Variants in CHD4 observed in about 807,000 individuals in gnomAD.
CHD4 encodes chromodomain helicase DNA binding protein 4.
Under a neutral mutation model 235.5 loss-of-function variants are expected in CHD4, and 35 were observed. The ratio of observed to expected loss-of-function variants is 0.15; its 90% CI spans 0.11 to 0.20. The LOEUF is 0.20. Among genes scored for constraint, CHD4 ranks in the 10% least tolerant of loss-of-function variants. CHD4 has a pLI of 1.00. For synonymous variants in CHD4, 900 were observed against 850.2 expected, an observed-to-expected ratio of 1.06 and a Z score of -1.02; for missense variants, 1,329 against 2,432.3, an observed-to-expected ratio of 0.55 and a Z score of 9.54.
intron 25 of CHD4, among the ~76,000 whole-genome samples, chr12:6,584,904 C>A (rs1338617729): frequency 6.6e-6 from 1 of 152,202 alleles, no homozygotes; most frequent in Non-Finnish European, 1.5e-5. Context: ...TCAATAGGGT[C>A]GTTTCTGATT....
chr12:6,576,014 T>G (rs912804487), intron 37 of CHD4, among the ~76,000 whole-genome samples: 1 of 152,164 alleles, frequency 6.6e-6, no homozygotes, highest in Non-Finnish European at 1.5e-5. Flanking sequence ...AAGCCATTTG[T>G]GAGTTCCGTC....
intron 15 of CHD4, among the ~76,000 whole-genome samples, 166 bp downstream of exon 15, chr12:6,594,293 T>G (rs772975636): frequency 6.6e-6 from 1 of 152,208 alleles, no homozygotes. Flanking sequence ...ATCACATTTA[T>G]CTACTATCTA....
chr12:6,602,208 G>GACACAC (rs753330768), intron 3 of CHD4, 33 bp from the exon 4 acceptor site: 1 of 1,609,930 alleles, frequency 6.2e-7, no homozygotes, highest in Non-Finnish European at 8.5e-7. Flanking sequence ...GAGGGAGACA[G>GACACAC]ACACACACAT....
rs775024529 is a variant in CHD4, at chr12:6,606,327, T to C, written c.47A>G (p.Glu16Gly). Reference sequence around the variant, plus strand: ...CAAAAGTGCATCCATATCCTCCTCCTCACTGCCCGCCGAGCAGGGGGACGG... The same window carrying C: ...CAAAAGTGCATCCATATCCTCCTCCCCACTGCCCGCCGAGCAGGGGGACGG... ...GSPSPCSAGSEEEDMDALLNN... is the reference protein window; with the variant it reads ...GSPSPCSAGSGEEDMDALLNN... The change falls in exon 2 of 40, where the codon GAG becomes GGG. Residue 16 changes from glutamate (E) to glycine (G), a missense_variant. Transcript: ENST00000544040. 1.3e-6 allele frequency: 2 copies of C among 1,571,082 alleles called. No individual in the cohort carries two copies. The highest frequency in any genetic ancestry group is 1.9e-5 in the Admixed American group (1 of 51,598).
chr12:6,593,397 C>G lies in CHD4; in HGVS notation c.2514+19G>C, dbSNP rs1482818187. 6.2e-7 allele frequency: 1 copy of G among 1,612,076 alleles called. No homozygotes were observed. Among genetic ancestry groups the G allele is most frequent in the Non-Finnish European group, 8.5e-7 (1 of 1,178,502 alleles). ...AGCCACAACTCTTTCTCTAGGGTGG[C>G]TTCCCTCCCCTGAGATACCTTCATG... On this transcript the variant is annotated intron_variant, in intron 16 of 39. Transcript: ENST00000544040. This position sits in a 1 kb window ranked among gnomAD's most constrained non-coding sequence, Gnocchi z 4.9.
intron 33 of CHD4, among the ~76,000 whole-genome samples, chr12:6,579,750 C>CAAAA (rs61518872): frequency 1.4e-5 from 1 of 73,532 alleles, no homozygotes; most frequent in Non-Finnish European, 2.7e-5. Context: ...GACTCCGTCT[C>CAAAA]AAAAAAAAAA....
rs1948327361 is a variant in CHD4, at chr12:6,587,932, G to A, written c.3483C>T (p.His1161=). Residue 1161 remains histidine (H), a synonymous_variant, in exon 24 of 40, where the codon CAC becomes CAT. Coordinates refer to ENST00000544040, the MANE Select transcript of CHD4 (RefSeq NM_001273.5). The stretch of plus-strand genomic sequence containing the variant: ...TTACCTTTTTATTTTGCCCAATCCG[G>A]TGAGCTCTGCTAAAGGCCTGGAGTT... ...HNDIQAFSRA[H]RIGQNKKVMI... is the part of the protein sequence containing the mutation. The A allele has an allele frequency of 6.2e-7, 1 of 1,614,118 alleles. No homozygotes were observed.
At chr12:6,591,377 T>G (rs1381728916) in intron 22 of CHD4, 89 bp downstream of exon 22, 1 of 1,003,596 alleles carries the variant, frequency 1.0e-6, no homozygotes. Context: ...CCAAAAGAAC[T>G]ACACAGAAAA....
At chr12:6,584,471 C>G (rs2136205139) in intron 25 of CHD4, 1 of 152,242 alleles carries the variant, frequency 6.6e-6, no homozygotes, top group South Asian at 2.1e-4. Flanking sequence ...GTCATTACGG[C>G]TCACTGCAGC....
rs574896161 is a variant in CHD4 at position 6,594,702 on chromosome 12, C to T, written c.2122-52G>A. The stretch of plus-strand genomic sequence containing the variant: ...AGCTGGCAAGGAACTCCCCTCCTCC[C>T]CTAATAGAGCAGCTGCTTCCTCCTC... On this transcript the variant is annotated intron_variant, in intron 14 of 39. Coordinates refer to ENST00000544040, the MANE Select transcript of CHD4 (RefSeq NM_001273.5). 7 of 1,515,474 alleles carry T rather than the reference C, an allele frequency of 4.6e-6. No homozygotes were observed. The Admixed American group carries it at 1.3e-4, about 28-fold the overall frequency. The allele number at this position is 1,515,474 out of a possible 1,614,324, so 93.9% of individuals were successfully genotyped here.
intron 13 of CHD4, 116 bp downstream of exon 13, chr12:6,595,890 G>A (rs1238389397): frequency 3.7e-5 from 43 of 1,163,780 alleles, no homozygotes; most frequent in South Asian, 4.9e-5. Flanking sequence ...CCAGGAAGTC[G>A]GAGGTTGCAG....
rs1015632807 is a variant in CHD4, at chr12:6,591,150, A to C, written c.3340+316T>G. ...AAAAAAAAAAAAAAAAAAAAAAAAAAACCTAGTAGCGTCTACTGAGGCAGA... is the reference window on the plus strand; with the variant it reads ...AAAAAAAAAAAAAAAAAAAAAAAAACACCTAGTAGCGTCTACTGAGGCAGA... On this transcript the variant is annotated intron_variant, in intron 22 of 39. Transcript: ENST00000544040. 501 of 190,128 alleles carry C rather than the reference A, an allele frequency of 2.6e-3. 1 individual carries two copies. Among genetic ancestry groups the C allele is most frequent in the Non-Finnish European group, 4.5e-3 (421 of 94,528 alleles). The allele number at this position is 190,128 out of a possible 1,614,324, so 11.8% of individuals were successfully genotyped here. A position where few individuals can be genotyped will look rare whatever the true frequency, so the allele number is the denominator to read the frequency against.
chr12:6,588,234 G>A, intron 23 of CHD4, 64 bp downstream of exon 23: 2 of 1,575,560 alleles, frequency 1.3e-6, no homozygotes, highest in South Asian at 2.3e-5. Flanking sequence ...AGCCCTCATA[G>A]AGGCCACTAT....
In CHD4 at chr12:6,581,343, C is replaced by T. The variant is rs1466443462; in HGVS notation, c.4727G>A (p.Ser1576Asn). ...IEENSLKEEE[S>N]IEGEKEVKST... ...TTTAACCTCCTTTTCTCCTTCTATGCTCTCTTCTTCTTTGAGGCTATTTTC... is the reference window on the plus strand; with the variant it reads ...TTTAACCTCCTTTTCTCCTTCTATGTTCTCTTCTTCTTTGAGGCTATTTTC... The change falls in exon 32 of 40, where the codon AGC (serine) becomes AAC (asparagine). Residue 1576 changes from serine (S) to asparagine (N), a missense_variant. Ser to Asn is a conservative substitution (Grantham distance 46). This residue lies in a region of CHD4 where 219 missense variants were observed against 219.3 expected (regional missense o/e 1.00). Coordinates refer to ENST00000544040, the MANE Select transcript of CHD4 (RefSeq NM_001273.5). 4 of 1,614,190 alleles carry T rather than the reference C, an allele frequency of 2.5e-6. No individual in the cohort carries two copies. Among genetic ancestry groups the T allele is most frequent in the Non-Finnish European group, 2.5e-6 (3 of 1,180,022 alleles).
chr12:6,574,649 A>G (rs1397207981), intron 37 of CHD4, among the ~76,000 whole-genome samples: 1 of 152,170 alleles, frequency 6.6e-6, no homozygotes, highest in Non-Finnish European at 1.5e-5. Context: ...TTCTGATCCC[A>G]CTAGTGTATG....
chr12:6,607,096 G>A (rs972982117), intron 1 of CHD4: 1 of 151,472 alleles, frequency 6.6e-6, no homozygotes, highest in East Asian at 2.0e-4. Flanking sequence ...GGGTCGCGGG[G>A]AGCAAGACTC....
intron 13 of CHD4, among the ~76,000 whole-genome samples, chr12:6,595,680 C>A (rs767199686): frequency 3.3e-5 from 5 of 151,350 alleles, no homozygotes; most frequent in African/African-American, 4.9e-5. Flanking sequence ...CTCAGCTACT[C>A]GGGAGACTGA....
intron 39 of CHD4, 62 bp downstream of exon 39, chr12:6,570,805 CAA>C: frequency 6.2e-7 from 1 of 1,611,516 alleles, no homozygotes; most frequent in Admixed American, 1.7e-5. Context: ...GGACATACAG[CAA>C]AGTTACAAGC....
chr12:6,597,755 A>C, intron 12 of CHD4, 139 bp downstream of exon 12: 1 of 743,596 alleles, frequency 1.3e-6, no homozygotes, highest in Non-Finnish European at 2.2e-6. Context: ...ACAGAGTGAG[A>C]CTCTGTCTCA....
Sources: allele counts gnomAD v4.1 joint callset (sites outside exome capture counted in the v4.1 genomes callset), GRCh38; gene constraint gnomAD v4.1.1; regional missense constraint gnomAD v4.1.1; non-coding constraint Gnocchi (gnomAD v3.1); transcripts MANE v1.5; gene names NCBI Gene and HGNC (gene_info 2026-07-23, HGNC 2026-07-21).